The following ABCA12 variants were observed in gnomAD, a reference collection of about 807,000 sequenced individuals.
The protein encoded by ABCA12 is ATP binding cassette subfamily A member 12.
A neutral mutation model predicts 293.5 loss-of-function variants in ABCA12; 156 were observed. That is an observed-to-expected ratio of 0.53 (90% confidence interval 0.47 to 0.61). The LOEUF is 0.61. Ranked by LOEUF, ABCA12 falls within the 20% of genes least tolerant of loss-of-function variation. The pLI is 0.00. For synonymous variants in ABCA12, 1,063 were observed against 1,108.0 expected (o/e 0.96, Z 0.81); for missense variants, 2,797 against 3,090.2 (o/e 0.91, Z 2.25).
At chr2:215,055,663 G>C (rs1161876391) in intron 3 of ABCA12, among the ~76,000 whole-genome samples, 1 of 151,698 alleles carries the variant, frequency 6.6e-6, no homozygotes, top group African/African-American at 2.4e-5. Context: ...TTAGAAACAA[G>C]ATCTGAATCC....
At chr2:214,987,944 T>C (rs1350461690) in intron 26 of ABCA12, 151 bp from the exon 27 acceptor site, 1 of 1,027,976 alleles carries the variant, frequency 9.7e-7, no homozygotes, top group African/African-American at 1.6e-5. Context: ...GTTTCCATAG[T>C]AAAGCAAAAA....
At chr2:215,028,379 G>A (rs1037470012) in intron 9 of ABCA12, among the ~76,000 whole-genome samples, 2 of 152,182 alleles carry the variant, frequency 1.3e-5, no homozygotes, top group Non-Finnish European at 2.9e-5. Context: ...AGTGGTCAGA[G>A]GGCTGACTCA....
In ABCA12 at chr2:215,046,014, A is replaced by G; in HGVS notation, c.695T>C (p.Leu232Pro). The change falls in exon 7 of 53, where the codon CTA (leucine) becomes CCA (proline). Residue 232 changes from leucine to proline, a missense_variant and splice_region_variant. Transcript: ENST00000272895. ...LQELNKQFSQ[L>P]SSDPNNQKIV... is the part of the protein sequence containing the mutation. ...CTTCTGATTGTTGGGGTCACTGGAT[A>G]GCTTAAAATATAAAACCACAAACAG... is the stretch of plus-strand genomic sequence containing the variant. The G allele has an allele frequency of 6.2e-7, 1 of 1,613,352 alleles. No homozygotes were observed. Among genetic ancestry groups the G allele is most frequent in the Non-Finnish European group, 8.5e-7 (1 of 1,179,654 alleles).
At chr2:215,043,279 A>G (rs1382130454) in intron 7 of ABCA12, among the ~76,000 whole-genome samples, 3 of 152,118 alleles carry the variant, frequency 2.0e-5, no homozygotes, top group Non-Finnish European at 4.4e-5. Flanking sequence ...TTTTTTTGCT[A>G]CTAAGGTGCT....
chr2:214,973,681 T>C (rs1316958154), intron 36 of ABCA12, among the ~76,000 whole-genome samples: 1 of 152,108 alleles, frequency 6.6e-6, no homozygotes. Flanking sequence ...TAGTTCTAAA[T>C]TGAGACCAAA....
intron 8 of ABCA12, among the ~76,000 whole-genome samples, chr2:215,034,390 G>A (rs1700946185): frequency 6.6e-6 from 1 of 152,208 alleles, no homozygotes; most frequent in African/African-American, 2.4e-5. Context: ...CATGGTGTGA[G>A]GAAAGTGGGT....
intron 2 of ABCA12, among the ~76,000 whole-genome samples, chr2:215,087,822 G>A (rs1181985051): frequency 6.6e-6 from 1 of 152,152 alleles, no homozygotes; most frequent in African/African-American, 2.4e-5. Context: ...CCCTTGAGGA[G>A]CCTGAAGTAC....
At chr2:215,038,501 T>C (rs1701034185) in intron 7 of ABCA12, among the ~76,000 whole-genome samples, 1 of 152,206 alleles carries the variant, frequency 6.6e-6, no homozygotes, top group African/African-American at 2.4e-5. Context: ...GTCACCCAGC[T>C]GTGTTCCGAA....
intron 14 of ABCA12, among the ~76,000 whole-genome samples, chr2:215,016,866 C>T (rs938608870): frequency 7.9e-5 from 12 of 151,880 alleles, no homozygotes; most frequent in African/African-American, 9.7e-5. Context: ...AAGAGAAAAG[C>T]GTATAACATT....
At chr2:215,070,167 ATTG>A (rs1457710048) in intron 2 of ABCA12, among the ~76,000 whole-genome samples, 1 of 141,402 alleles carries the variant, frequency 7.1e-6, no homozygotes, top group African/African-American at 2.6e-5. Flanking sequence ...ATCAATATTT[ATTG>A]TTGTAGAGCC....
chr2:215,138,337 G>C lies in ABCA12; in HGVS notation c.-129C>G, dbSNP rs1373105112. 4.1e-6 allele frequency: 4 copies of C among 980,320 alleles called. No individual in the cohort carries two copies. The Admixed American group carries it at 7.1e-5, about 17-fold the overall frequency. 60.7% of individuals were successfully genotyped at this position (980,320 alleles called of 1,614,324 possible). The stretch of plus-strand genomic sequence containing the variant: ...CTTTCACGGCATAGCTTCCTTGAGG[G>C]CTGGGGTAAGAAACCCACAGTTCTT... On this transcript the variant is annotated 5_prime_UTR_variant, in exon 1 of 53. Coordinates refer to ENST00000272895, the MANE Select transcript of ABCA12 (RefSeq NM_173076.3).
At chr2:215,017,696 A>G (rs1700536011) in intron 14 of ABCA12, 1 of 234,766 alleles carries the variant, frequency 4.3e-6, no homozygotes, top group African/African-American at 2.4e-5. Context: ...GCTGGAGTGC[A>G]GTGGTGCGAT....
At chr2:215,134,138 C>T (rs999021058) in intron 1 of ABCA12, among the ~76,000 whole-genome samples, 114 of 151,776 alleles carry the variant, frequency 7.5e-4, no homozygotes, top group African/African-American at 2.6e-3. Flanking sequence ...TTTTTATAGC[C>T]AAACTAAATA....
intron 48 of ABCA12, among the ~76,000 whole-genome samples, chr2:214,946,538 A>G (rs1698588342): frequency 6.6e-6 from 1 of 152,188 alleles, no homozygotes; most frequent in South Asian, 2.1e-4. Flanking sequence ...ATAATGCATT[A>G]TAAGCTTCTG....
At position 214,976,560 on chromosome 2, in the gene ABCA12, A is replaced by G. The variant is rs1440252450; in HGVS notation, c.5129-523T>C. On this transcript the variant is annotated intron_variant, in intron 33 of 52. Coordinates refer to ENST00000272895, the MANE Select transcript of ABCA12 (RefSeq NM_173076.3). ...CTGATTCTAACATGAGGTCCAATTAATTCACACTAAGAGTAGGAAAAGGGA... is the reference window on the plus strand; with the variant it reads ...CTGATTCTAACATGAGGTCCAATTAGTTCACACTAAGAGTAGGAAAAGGGA... Among the ~76,000 whole-genome samples the G allele has an allele frequency of 2.0e-5, 3 of 152,218 alleles. No individual in the cohort carries two copies. In the East Asian group the frequency reaches 5.8e-4, roughly 29 times the overall value.
chr2:215,131,368 C>CT (rs1382573950), intron 1 of ABCA12, among the ~76,000 whole-genome samples: 1 of 151,374 alleles, frequency 6.6e-6, no homozygotes, highest in Admixed American at 6.6e-5. Context: ...TTGTCCTGGG[C>CT]TTTTTTTATC....
intron 1 of ABCA12, among the ~76,000 whole-genome samples, chr2:215,135,774 T>C (rs1703212769): frequency 3.9e-5 from 6 of 152,190 alleles, no homozygotes. Context: ...CCTTTAGATC[T>C]TTAATTCCAA....
intron 27 of ABCA12, 63 bp from the exon 28 acceptor site, chr2:214,986,791 C>T (rs1699798267): frequency 6.3e-6 from 9 of 1,421,340 alleles, no homozygotes; most frequent in Non-Finnish European, 8.9e-6. Flanking sequence ...TAGAGTTAGA[C>T]TTTATCTTTA....
chr2:215,131,223 A>G (rs2177419), intron 1 of ABCA12, among the ~76,000 whole-genome samples: 5,817 of 151,844 alleles, frequency 0.038, 149 homozygotes, highest in African/African-American at 0.049. Flanking sequence ...TGATTTTGAT[A>G]AGCATGGTGA....
Sources: allele counts gnomAD v4.1 joint callset (sites outside exome capture counted in the v4.1 genomes callset), GRCh38; gene constraint gnomAD v4.1.1; transcripts MANE v1.5; gene names NCBI Gene and HGNC (gene_info 2026-07-23, HGNC 2026-07-21).